Variants in SQOR observed in about 807,000 individuals in gnomAD.
SQOR encodes the protein sulfide:quinone oxidoreductase, mitochondrial.
A neutral mutation model predicts 48.6 loss-of-function variants in SQOR; 39 were observed. The observed-to-expected ratio is 0.80, with a 90% CI of 0.62 to 1.05. The LOEUF (loss-of-function observed/expected upper bound fraction) is 1.05, where lower values mean the gene tolerates loss of function less well. SQOR is among the 50% of genes least tolerant of loss of function. SQOR has a pLI of 0.00. For synonymous variants in SQOR, 220 were observed against 206.2 expected (o/e 1.07, Z -0.57); for missense variants, 561 against 559.9 (o/e 1.00, Z -0.02).
chr15:45,648,649 T>G (rs1889396054), intron 1 of SQOR, among the ~76,000 whole-genome samples: 1 of 152,132 alleles, frequency 6.6e-6, no homozygotes. Flanking sequence ...TTTCCAACAG[T>G]CCCTCCACCT....
intron 5 of SQOR, among the ~76,000 whole-genome samples, chr15:45,675,509 C>T (rs35383220): frequency 0.074 from 11,290 of 152,114 alleles, 548 homozygotes; most frequent in Middle Eastern, 0.15. Context: ...ATTCTCCTGC[C>T]TCAGCCTCCT....
At chr15:45,670,389 G>A (rs149713788) in intron 4 of SQOR, among the ~76,000 whole-genome samples, 547 of 152,298 alleles carry the variant, frequency 3.6e-3, no homozygotes, top group Non-Finnish European at 5.7e-3. Context: ...CAGTTAGCTC[G>A]TCTGTTGCTG....
Position 45,661,951 on chromosome 15 carries a change from T to C in SQOR, c.235-4T>C. The C allele has an allele frequency of 6.2e-7, 1 of 1,613,526 alleles. No homozygotes were observed. The highest frequency in any genetic ancestry group is 8.5e-7 in the Non-Finnish European group (1 of 1,179,622). On this transcript the variant is annotated splice_polypyrimidine_tract_variant and splice_region_variant and intron_variant, in intron 2 of 9. Coordinates refer to ENST00000260324, the MANE Select transcript of SQOR (RefSeq NM_021199.4). ...AATAAATCTTCAAATACTTTGTTTC[T>C]CAGAGACATTTCTACCAGCCAATCT...
chr15:45,635,858 CAG>C (rs1469928053), intron 1 of SQOR, among the ~76,000 whole-genome samples: 1 of 152,054 alleles, frequency 6.6e-6, no homozygotes, highest in African/African-American at 2.4e-5. Flanking sequence ...TTTTTTGAGA[CAG>C]AGTCTTGCTC....
chr15:45,650,127 G>A (rs1005638693), intron 1 of SQOR, among the ~76,000 whole-genome samples: 11 of 152,188 alleles, frequency 7.2e-5, no homozygotes, highest in Admixed American at 7.2e-4. Flanking sequence ...ACAGGCACGA[G>A]CCACTGTGCC....
At chr15:45,651,129 C>T (rs1008992570) in intron 1 of SQOR, among the ~76,000 whole-genome samples, 4 of 152,226 alleles carry the variant, frequency 2.6e-5, no homozygotes, top group Non-Finnish European at 5.9e-5. Flanking sequence ...GCATGGCGGG[C>T]TGCAGGTCCC....
intron 1 of SQOR, among the ~76,000 whole-genome samples, chr15:45,654,425 A>G (rs775050698): frequency 5.9e-5 from 9 of 152,238 alleles, no homozygotes; most frequent in Non-Finnish European, 1.0e-4. Context: ...CTTCATGACT[A>G]TTAATGATGT....
chr15:45,644,930 G>T (rs867963917), intron 1 of SQOR, among the ~76,000 whole-genome samples: 1 of 152,170 alleles, frequency 6.6e-6, no homozygotes, highest in African/African-American at 2.4e-5. Flanking sequence ...CAAAGGTGTG[G>T]TCATAGGCAA....
At chr15:45,658,700 A>G (rs1189823282) in intron 1 of SQOR, among the ~76,000 whole-genome samples, 1 of 152,164 alleles carries the variant, frequency 6.6e-6, no homozygotes, top group Non-Finnish European at 1.5e-5. Flanking sequence ...AAGGGGAGAA[A>G]TGGTAAGTGT....
chr15:45,650,296 A>C (rs560868721), intron 1 of SQOR, among the ~76,000 whole-genome samples: 2 of 152,292 alleles, frequency 1.3e-5, no homozygotes, highest in South Asian at 2.1e-4. Context: ...TGACTTCAAG[A>C]ATCACCCTGT....
intron 6 of SQOR, among the ~76,000 whole-genome samples, chr15:45,679,669 A>G (rs1386313890): frequency 3.3e-5 from 5 of 152,184 alleles, no homozygotes; most frequent in Non-Finnish European, 7.4e-5. Context: ...TGTCTAGTCT[A>G]GTGCATTTCT....
intron 7 of SQOR, among the ~76,000 whole-genome samples, chr15:45,686,683 T>C (rs900155101): frequency 1.3e-5 from 2 of 152,260 alleles, no homozygotes; most frequent in Non-Finnish European, 2.9e-5. Context: ...AGAAAAAGTT[T>C]GCTAACCCCT....
rs186751764 is a variant in SQOR at position 45,689,482 on chromosome 15, A to G, written c.1295+265A>G. On this transcript the variant is annotated intron_variant, in intron 9 of 9. Coordinates refer to ENST00000260324, the MANE Select transcript of SQOR (RefSeq NM_021199.4). ...GCCCAGGTTGGAGTGCAGTGGCACA[A>G]TCTTGGCTCACTGCAACCTCCACTT... is the stretch of plus-strand genomic sequence containing the variant. The G allele has an allele frequency of 1.8e-3, 401 of 216,792 alleles. 3 individuals are homozygous for G. The highest frequency in any genetic ancestry group is 8.7e-3 in the African/African-American group (374 of 42,888). 13.4% of individuals were successfully genotyped at this position (216,792 alleles called of 1,614,324 possible). A position where few individuals can be genotyped will look rare whatever the true frequency, so the allele number is the denominator to read the frequency against.
upstream of SQOR, among the ~76,000 whole-genome samples, chr15:45,634,480 C>G (rs1002858355): frequency 6.6e-6 from 1 of 151,900 alleles, no homozygotes; most frequent in Admixed American, 6.6e-5. Flanking sequence ...ACTGTGGAGG[C>G]CAGTGGCTGG....
In SQOR at chr15:45,669,947, T is replaced by G. The variant is rs778146413; in HGVS notation, c.425T>G (p.Ile142Ser). The part of the protein sequence containing the change: ...DDEKISYRYL[I>S]IALGIQLDYE... The stretch of plus-strand genomic sequence containing the variant: ...TTGCAGATCTCCTACCGATATCTTA[T>G]TATTGCTCTCGGAATCCAGCTGGAC... Residue 142 changes from isoleucine to serine, a missense_variant, in exon 4 of 10, where the codon ATT becomes AGT. Physicochemically the swap from Ile to Ser is moderately radical, Grantham distance 142. Transcript: ENST00000260324. 6.8e-6 allele frequency: 11 copies of G among 1,614,144 alleles called. No individual in the cohort carries two copies. In the South Asian group the frequency reaches 8.8e-5, roughly 13 times the overall value.
intron 1 of SQOR, among the ~76,000 whole-genome samples, chr15:45,652,094 A>G (rs1004133167): frequency 3.3e-5 from 5 of 151,844 alleles, no homozygotes; most frequent in African/African-American, 9.7e-5. Flanking sequence ...GGCTAGTCTC[A>G]AATTCCTGAC....
chr15:45,662,760 T>C (rs1241633963), intron 3 of SQOR, among the ~76,000 whole-genome samples: 1 of 152,192 alleles, frequency 6.6e-6, no homozygotes, highest in Non-Finnish European at 1.5e-5. Flanking sequence ...GAAGGCCTGC[T>C]CAGAAGCCAT....
intron 6 of SQOR, among the ~76,000 whole-genome samples, chr15:45,676,756 A>T (rs1890043442): frequency 6.6e-6 from 1 of 152,148 alleles, no homozygotes; most frequent in African/African-American, 2.4e-5. Context: ...GAAAACAGGG[A>T]TTGGCTGGGC....
chr15:45,658,165 A>T (rs1163571431), intron 1 of SQOR, among the ~76,000 whole-genome samples: 4 of 152,240 alleles, frequency 2.6e-5, no homozygotes, highest in Admixed American at 1.3e-4. Flanking sequence ...AGTCAGCAGC[A>T]TATACAGATT....
Sources: allele counts gnomAD v4.1 joint callset (sites outside exome capture counted in the v4.1 genomes callset), GRCh38; gene constraint gnomAD v4.1.1; transcripts MANE v1.5; gene names NCBI Gene and HGNC (gene_info 2026-07-23, HGNC 2026-07-21).